The following KIF15 variants were observed in gnomAD, a reference collection of about 807,000 sequenced individuals.
The protein encoded by KIF15 is kinesin-like protein KIF15.
KIF15 carries 140 observed loss-of-function variants against 190.6 expected under a neutral mutation model. The observed-to-expected ratio is 0.73, with a 90% CI of 0.64 to 0.84. The LOEUF is 0.84. Among genes scored for constraint, KIF15 ranks in the 40% least tolerant of loss-of-function variants. The pLI is 0.00. For missense variants in KIF15, 1,372 were observed against 1,584.4 expected, an observed-to-expected ratio of 0.87 and a Z score of 2.28; for synonymous variants, 528 against 551.3, an observed-to-expected ratio of 0.96 and a Z score of 0.59.
intron 4 of KIF15, among the ~76,000 whole-genome samples, chr3:44,779,353 C>G (rs535201101): frequency 6.6e-6 from 1 of 152,300 alleles, no homozygotes; most frequent in South Asian, 2.1e-4. Flanking sequence ...GATCTGGGCG[C>G]TAGGTGTGTT....
At chr3:44,771,126 A>G (rs1705623436) in intron 1 of KIF15, among the ~76,000 whole-genome samples, 2 of 152,228 alleles carry the variant, frequency 1.3e-5, no homozygotes, top group Non-Finnish European at 2.9e-5. Flanking sequence ...ACAAGACAAC[A>G]ATTGTCTGTG....
intron 4 of KIF15, among the ~76,000 whole-genome samples, chr3:44,779,822 A>G (rs1176756834): frequency 5.2e-4 from 12 of 23,096 alleles, no homozygotes; most frequent in African/African-American, 6.3e-4. Flanking sequence ...TGACAGAGTG[A>G]AAAAAAAAAA....
intron 20 of KIF15, among the ~76,000 whole-genome samples, chr3:44,819,538 C>T (rs1474303610): frequency 6.6e-6 from 1 of 152,148 alleles, no homozygotes; most frequent in African/African-American, 2.4e-5. Context: ...GTTCAGTTTC[C>T]ATGTAGTGGT....
intron 16 of KIF15, 147 bp from the exon 17 acceptor site, chr3:44,810,699 T>C (rs796553536): frequency 4.8e-6 from 3 of 626,472 alleles, no homozygotes; most frequent in African/African-American, 3.7e-5. Flanking sequence ...TATTTCCACT[T>C]GGGCATTTTT....
At position 44,826,035 on chromosome 3, in the gene KIF15, A is replaced by G. The variant is rs1265971310; in HGVS notation, c.2550-4A>G. On this transcript the variant is annotated splice_polypyrimidine_tract_variant and splice_region_variant and intron_variant, in intron 20 of 34. Transcript: ENST00000326047. ...ACCATTTTTAAAATGTTTTCCTTATAAAGGTTAGAAAACGAAAAGCTGCTT... is the reference window on the plus strand; with the variant it reads ...ACCATTTTTAAAATGTTTTCCTTATGAAGGTTAGAAAACGAAAAGCTGCTT... The G allele has an allele frequency of 6.3e-7, 1 of 1,576,274 alleles. No homozygotes were observed. Among genetic ancestry groups the G allele is most frequent in the Admixed American group, 2.1e-5 (1 of 47,390 alleles).
At chr3:44,848,206 G>A (rs1698935215) in intron 31 of KIF15, 149 bp downstream of exon 31, 3 of 626,788 alleles carry the variant, frequency 4.8e-6, no homozygotes, top group Non-Finnish European at 5.5e-6. Flanking sequence ...TTTACCATTA[G>A]TATTTAGACA....
At position 44,852,942 on chromosome 3, in the gene KIF15, T is replaced by C. The variant is rs1699114097; in HGVS notation, c.*207T>C. ...TGACAGTCAGCAGTCTGCTATTAAG[T>C]GGCCTACTTCAAGGCTTTGAATCAA... On this transcript the variant is annotated 3_prime_UTR_variant, in exon 35 of 35. Coordinates refer to ENST00000326047, the MANE Select transcript of KIF15 (RefSeq NM_020242.3). The C allele has an allele frequency of 4.9e-6, 2 of 405,248 alleles. No individual in the cohort carries two copies. Among genetic ancestry groups the C allele is most frequent in the Non-Finnish European group, 8.6e-6 (2 of 231,920 alleles). The allele number at this position is 405,248 out of a possible 1,614,324, so 25.1% of individuals were successfully genotyped here. A position where few individuals can be genotyped will look rare whatever the true frequency, so the allele number is the denominator to read the frequency against.
intron 11 of KIF15, among the ~76,000 whole-genome samples, 185 bp downstream of exon 11, chr3:44,800,622 T>G (rs968544422): frequency 6.6e-6 from 1 of 152,182 alleles, no homozygotes; most frequent in Non-Finnish European, 1.5e-5. Flanking sequence ...CCATAGGCAG[T>G]GAGAAGGGGG....
At chr3:44,780,603 A>C (rs1706116954) in intron 4 of KIF15, among the ~76,000 whole-genome samples, 2 of 152,244 alleles carry the variant, frequency 1.3e-5, no homozygotes, top group African/African-American at 4.8e-5. Flanking sequence ...GCAAAGCAGT[A>C]TGAAGAGCAT....
intron 26 of KIF15, 36 bp downstream of exon 26, chr3:44,831,054 T>C: frequency 6.3e-7 from 1 of 1,598,584 alleles, no homozygotes; most frequent in East Asian, 2.2e-5. Flanking sequence ...TTTGTTTGCC[T>C]TATTACTTGT....
At chr3:44,860,705 C>G (rs1043949947) in intron 6 of KIF15, among the ~76,000 whole-genome samples, 2 of 151,974 alleles carry the variant, frequency 1.3e-5, no homozygotes, top group African/African-American at 4.8e-5. Context: ...ACAAAACCAC[C>G]CTGTGAGAGA....
chr3:44,803,495 T>A (rs543270677), intron 14 of KIF15, among the ~76,000 whole-genome samples: 58 of 152,356 alleles, frequency 3.8e-4, no homozygotes, highest in African/African-American at 1.3e-3. Context: ...ACTACTTTCA[T>A]AAGTTTGCAT....
In KIF15 at chr3:44,797,687, T is replaced by C. The variant is rs747139066; in HGVS notation, c.975+11T>C. 6 of 1,612,728 alleles carry C rather than the reference T, an allele frequency of 3.7e-6. No homozygotes were observed. The East Asian group carries it at 1.1e-4, about 30-fold the overall frequency. On this transcript the variant is annotated intron_variant, in intron 9 of 34. Coordinates refer to ENST00000326047, the MANE Select transcript of KIF15 (RefSeq NM_020242.3). Reference sequence around the variant, plus strand: ...ACCTTCTTACTACGGGTAAAGTAGATCCTTGGGTTCCTGGGCTCCTTTTGG... The same window carrying C: ...ACCTTCTTACTACGGGTAAAGTAGACCCTTGGGTTCCTGGGCTCCTTTTGG...
At chr3:44,795,051 C>G (rs77938604) in intron 8 of KIF15, among the ~76,000 whole-genome samples, 8,765 of 152,172 alleles carry the variant, frequency 0.058, 268 homozygotes, top group Middle Eastern at 0.085. Context: ...GAAATTGTTC[C>G]TATTGAAAAG....
intron 7 of KIF15, among the ~76,000 whole-genome samples, chr3:44,789,642 T>TTATATATATATATA (rs56009369): frequency 4.0e-4 from 45 of 113,588 alleles, no homozygotes; most frequent in Non-Finnish European, 5.3e-4. Flanking sequence ...TTGTCTAATT[T>TTATATATATATATA]TATATATATA....
chr3:44,775,525 G>A, intron 3 of KIF15, 88 bp downstream of exon 3: 16 of 935,030 alleles, frequency 1.7e-5, no homozygotes, highest in East Asian at 2.6e-5. Context: ...GCATGATCTC[G>A]GCTCACTGCA....
chr3:44,805,000 AG>A (rs753897640), intron 14 of KIF15, 26 bp from the exon 15 acceptor site: 20 of 1,580,916 alleles, frequency 1.3e-5, no homozygotes, highest in East Asian at 2.2e-5. Context: ...AAAAAAAAAA[AG>A]ACTGAGATTG....
chr3:44,829,502 A>ATTATATGTATATAATATGTATATATT lies in KIF15; in HGVS notation c.2944-469_2944-468insTTATATGTATATAATATGTATATATT, dbSNP rs1174626338. On this transcript the variant is annotated intron_variant, in intron 24 of 34. Transcript: ENST00000326047. The stretch of plus-strand genomic sequence containing the variant: ...ATGTGTATATAATATATGCATATAT[A>ATTATATGTATATAATATGTATATATT]ATATACGCATATATATTATATGTAT... Among the ~76,000 whole-genome samples, 7 of 85,056 alleles carry ATTATATGTATATAATATGTATATATT rather than the reference A, an allele frequency of 8.2e-5. No homozygotes were observed. In the South Asian group the frequency reaches 1.2e-3, roughly 15 times the overall value. The allele number at this position is 85,056 out of a possible 152,430, so 55.8% of individuals were successfully genotyped here.
intron 8 of KIF15, among the ~76,000 whole-genome samples, chr3:44,795,741 T>C (rs1401677318): frequency 6.6e-6 from 1 of 152,128 alleles, no homozygotes; most frequent in Non-Finnish European, 1.5e-5. Flanking sequence ...GTCTATAGTT[T>C]AGAATATACA....
Sources: gnomAD v4.1 joint callset for allele counts (sites outside exome capture counted in the v4.1 genomes callset) on GRCh38, gnomAD v4.1.1 for gene constraint, MANE v1.5 for transcripts, NCBI Gene and HGNC (gene_info 2026-07-23, HGNC 2026-07-21) for gene names.